Variants in RBFOX1 observed in about 807,000 individuals in gnomAD.
The protein encoded by RBFOX1 is RNA binding fox-1 homolog 1.
A neutral mutation model predicts 57.7 loss-of-function variants in RBFOX1; 8 were observed. That is an observed-to-expected ratio of 0.14 (90% confidence interval 0.08 to 0.25). RBFOX1 has a LOEUF of 0.25. RBFOX1 is among the 10% of genes least tolerant of loss of function. The probability of loss-of-function intolerance (pLI) is 1.00; values close to 1 mark genes in which losing one functional copy is unlikely to be tolerated. For missense variants in RBFOX1, 611 were observed against 548.5 expected (o/e 1.11, Z -1.14); for synonymous variants, 326 against 222.4 (o/e 1.47, Z -4.15).
chr16:6,837,193 G>A (rs1284250533), intron 3 of RBFOX1, among the ~76,000 whole-genome samples: 1 of 152,212 alleles, frequency 6.6e-6, no homozygotes, highest in Non-Finnish European at 1.5e-5. Context: ...ATCAGGTTAG[G>A]TTGTACTAGG....
intron 2 of RBFOX1, among the ~76,000 whole-genome samples, chr16:6,597,924 A>G (rs2097793661): frequency 6.6e-6 from 1 of 152,210 alleles, no homozygotes. Context: ...TGGGCTAAAG[A>G]GGGTGAAACA....
chr16:6,143,981 A>ATATATATC lies in RBFOX1; in HGVS notation c.-127+123990_-127+123991insATATATCT, dbSNP rs988042921. ...CAGCTATATATATATATATATATAT[A>ATATATATC]TCTCTACCTACCTACCTATGTTGTC... is the stretch of plus-strand genomic sequence containing the variant. On this transcript the variant is annotated intron_variant, in intron 1 of 15. Coordinates refer to ENST00000550418, the MANE Select transcript of RBFOX1 (RefSeq NM_018723.4). Among the ~76,000 whole-genome samples the ATATATATC allele has an allele frequency of 2.6e-3, 391 of 149,764 alleles. 2 individuals carry two copies. The highest frequency in any genetic ancestry group is 8.6e-3 in the African/African-American group (346 of 40,360).
intron 4 of RBFOX1, among the ~76,000 whole-genome samples, chr16:7,119,606 A>T (rs148693302): frequency 1.1e-4 from 16 of 152,246 alleles, no homozygotes; most frequent in Non-Finnish European, 1.6e-4. Flanking sequence ...CCACCCAGAC[A>T]TACAGGAGGA....
chr16:6,895,231 A>G (rs1257421209), intron 3 of RBFOX1, among the ~76,000 whole-genome samples: 2 of 151,884 alleles, frequency 1.3e-5, no homozygotes, highest in Non-Finnish European at 2.9e-5. Flanking sequence ...CTCAGAGACC[A>G]AATGTATATC....
rs539182449 is a variant in RBFOX1 at position 6,230,229 on chromosome 16, AT to A, written c.-126-86759del. On this transcript the variant is annotated intron_variant, in intron 1 of 15. Transcript: ENST00000550418. The stretch of plus-strand genomic sequence containing the variant: ...GTGATTGGAATGAGTTGATCTTTTA[AT>A]TTTTTTAAATAACAATAATCACCAA... Among the ~76,000 whole-genome samples, 449 of 152,276 alleles carry A rather than the reference AT, an allele frequency of 2.9e-3. 1 individual carries two copies. Among genetic ancestry groups the A allele is most frequent in the African/African-American group, 9.8e-3 (409 of 41,560 alleles).
chr16:6,223,011 C>G (rs1598506426), intron 1 of RBFOX1, among the ~76,000 whole-genome samples: 1 of 150,014 alleles, frequency 6.7e-6, no homozygotes, highest in African/African-American at 2.5e-5. Context: ...TCATCCATGT[C>G]CCTACAAAGG....
intron 2 of RBFOX1, among the ~76,000 whole-genome samples, chr16:6,457,415 T>C (rs1375935868): frequency 2.1e-5 from 3 of 141,980 alleles, no homozygotes; most frequent in African/African-American, 7.9e-5. Context: ...TGTTATTTTC[T>C]GGTGACTGTG....
At chr16:6,809,432 C>T (rs540378881) in intron 3 of RBFOX1, among the ~76,000 whole-genome samples, 2 of 152,220 alleles carry the variant, frequency 1.3e-5, no homozygotes, top group East Asian at 3.9e-4. Context: ...TGGATATACA[C>T]ATAGATGTAT....
At chr16:6,379,267 C>G (rs1053965160) in intron 2 of RBFOX1, among the ~76,000 whole-genome samples, 7 of 152,074 alleles carry the variant, frequency 4.6e-5, no homozygotes, top group Non-Finnish European at 8.8e-5. Flanking sequence ...GTACTCAAAA[C>G]CATGACAGTG....
rs142131511 is a variant in RBFOX1 at position 6,076,353 on chromosome 16, C to T, written c.-127+56361C>T. Among the ~76,000 whole-genome samples, 867 of 151,846 alleles carry T rather than the reference C, an allele frequency of 5.7e-3. 7 individuals are homozygous for T. Among genetic ancestry groups the T allele is most frequent in the South Asian group, 0.021 (101 of 4,812 alleles). On this transcript the variant is annotated intron_variant, in intron 1 of 15. Transcript: ENST00000550418. ...ACACGCGCACACACACACATACACACACACACACCCCACCTCTTTGGGTTA... is the reference window on the plus strand; with the variant it reads ...ACACGCGCACACACACACATACACATACACACACCCCACCTCTTTGGGTTA...
intron 4 of RBFOX1, among the ~76,000 whole-genome samples, chr16:7,219,031 C>G (rs1024683791): frequency 2.0e-5 from 3 of 152,098 alleles, no homozygotes; most frequent in South Asian, 2.1e-4. Flanking sequence ...GAGAAGGGCT[C>G]GGAGCCAGAC....
At chr16:6,835,387 C>CACAAGATT (rs1162336342) in intron 3 of RBFOX1, among the ~76,000 whole-genome samples, 1 of 152,130 alleles carries the variant, frequency 6.6e-6, no homozygotes, top group Non-Finnish European at 1.5e-5. Flanking sequence ...AGATATAGGA[C>CACAAGATT]CTGTATTAAA....
intron 1 of RBFOX1, among the ~76,000 whole-genome samples, chr16:5,420,010 T>C (rs2067267770): frequency 6.6e-6 from 1 of 152,136 alleles, no homozygotes; most frequent in South Asian, 2.1e-4. Context: ...GACTTGGGCC[T>C]GTGAGACCCT....
chr16:7,192,403 C>T (rs192481492), intron 4 of RBFOX1, among the ~76,000 whole-genome samples: 1 of 152,100 alleles, frequency 6.6e-6, no homozygotes, highest in Non-Finnish European at 1.5e-5. Context: ...TGCTTAGGAG[C>T]TTTAGACTCA....
chr16:7,510,107 G>C (rs1028803759), intron 4 of RBFOX1: 131 of 985,270 alleles, frequency 1.3e-4, no homozygotes, highest in Non-Finnish European at 1.5e-4. Context: ...ATCTGGGTTG[G>C]TTTTGGGAGC....
At chr16:7,011,768 C>T (rs13332883) in intron 3 of RBFOX1, among the ~76,000 whole-genome samples, 17,779 of 152,190 alleles carry the variant, frequency 0.12, 1,840 homozygotes, top group East Asian at 0.3. Flanking sequence ...CCTGCCTTGG[C>T]CTTCCAAAGT....
At chr16:6,212,207 A>G (rs2097302970) in intron 1 of RBFOX1, among the ~76,000 whole-genome samples, 1 of 151,934 alleles carries the variant, frequency 6.6e-6, no homozygotes, top group South Asian at 2.1e-4. Context: ...ATTGACGTTG[A>G]AAAATACCTA....
chr16:5,456,808 G>T (rs2068643663), intron 1 of RBFOX1, among the ~76,000 whole-genome samples: 1 of 152,018 alleles, frequency 6.6e-6, no homozygotes, highest in Non-Finnish European at 1.5e-5. Context: ...ATCCCCCTTG[G>T]AATAACACCT....
chr16:6,950,852 T>A (rs1037669865), intron 3 of RBFOX1, among the ~76,000 whole-genome samples: 7 of 152,084 alleles, frequency 4.6e-5, no homozygotes, highest in African/African-American at 1.7e-4. Context: ...TTTTTCTTTC[T>A]TTCTCTGTTT....
Sources: allele counts gnomAD v4.1 joint callset (sites outside exome capture counted in the v4.1 genomes callset), GRCh38; gene constraint gnomAD v4.1.1; transcripts MANE v1.5; gene names NCBI Gene and HGNC (gene_info 2026-07-23, HGNC 2026-07-21).